SLC6A3: variants seen among roughly 807,000 people sequenced by gnomAD.
SLC6A3 encodes sodium-dependent dopamine transporter.
A neutral mutation model predicts 70.4 loss-of-function variants in SLC6A3; 19 were observed. That is an observed-to-expected ratio of 0.27 (90% CI 0.19 to 0.40). SLC6A3 has a LOEUF of 0.40. Ranked by LOEUF, SLC6A3 falls within the 10% of genes least tolerant of loss-of-function variation. The pLI, the probability that SLC6A3 is intolerant of heterozygous loss-of-function variation, is 1.00. For synonymous variants in SLC6A3, 368 were observed against 356.6 expected, an observed-to-expected ratio of 1.03 and a Z score of -0.36; for missense variants, 613 against 838.5, an observed-to-expected ratio of 0.73 and a Z score of 3.32.
intron 3 of SLC6A3, among the ~76,000 whole-genome samples, chr5:1,434,032 G>C (rs409928): frequency 1.3e-5 from 2 of 152,164 alleles, no homozygotes; most frequent in Non-Finnish European, 2.9e-5. Flanking sequence ...TGGCCATCCA[G>C]AGCCATCCAT....
chr5:1,393,308 C>CA lies in SLC6A3; in HGVS notation c.*1426dup, dbSNP rs1260449362. On this transcript the variant is annotated 3_prime_UTR_variant, in exon 15 of 15. Transcript: ENST00000270349. The stretch of plus-strand genomic sequence containing the variant: ...CTGTCAGTGGCAGAGGGCAGTGTGC[C>CA]ATGGAAAGCAGCTTTTGGCCAACAT... 2 of 152,282 alleles carry CA rather than the reference C, an allele frequency of 1.3e-5. 1 individual carries two copies. The allele number at this position is 152,282 out of a possible 1,614,324, so 9.4% of individuals were successfully genotyped here.
rs954204703 is a variant in SLC6A3 at position 1,405,624 on chromosome 5, C to T, written c.1599+564G>A. Among the ~76,000 whole-genome samples the T allele has an allele frequency of 1.3e-5, 2 of 152,230 alleles. No individual in the cohort carries two copies. Among genetic ancestry groups the T allele is most frequent in the African/African-American group, 4.8e-5 (2 of 41,456 alleles). The stretch of plus-strand genomic sequence containing the variant: ...GGCAATCCCTAATGAAAGTGTGCGG[C>T]CACCTTCCAACAAAACTCTATTTAC... On this transcript the variant is annotated intron_variant, in intron 12 of 14. Transcript: ENST00000270349. The surrounding 1 kb of genome is among the most constrained non-coding windows in gnomAD (Gnocchi z 5.3).
chr5:1,397,301 G>A lies in SLC6A3; in HGVS notation c.1840-2543C>T, dbSNP rs1579697107. On this transcript the variant is annotated intron_variant, in intron 14 of 14. Transcript: ENST00000270349. The surrounding 1 kb of genome is among the most constrained non-coding windows in gnomAD (Gnocchi z 4.7). ...AAAAGAAACCAAATTAACGGTGGTG[G>A]GTGCCTGCAGTCCCAGCTACTCGGG... Among the ~76,000 whole-genome samples, 2 of 152,300 alleles carry A rather than the reference G, an allele frequency of 1.3e-5. 1 individual carries two copies. Among genetic ancestry groups the A allele is most frequent in the South Asian group, 4.1e-4 (2 of 4,822 alleles).
rs2617605 is a variant in SLC6A3, at chr5:1,442,406, T to C, written c.286+506A>G. On this transcript the variant is annotated intron_variant, in intron 2 of 14. Coordinates refer to ENST00000270349, the MANE Select transcript of SLC6A3 (RefSeq NM_001044.5). The surrounding 1 kb of genome is among the most constrained non-coding windows in gnomAD (Gnocchi z 5.0). ...CCTGGGAAGGGATCACCAATGTTCT[T>C]GGACGTCCCCGGTGGCCCTGCCTCG... Among the ~76,000 whole-genome samples the C allele has an allele frequency of 0.3, 45,895 of 151,878 alleles. 7,498 individuals carry two copies. The highest frequency in any genetic ancestry group is 0.37 in the South Asian group (1,793 of 4,816).
At chr5:1,403,993 C>G (rs2126326664) in intron 12 of SLC6A3, among the ~76,000 whole-genome samples, 1 of 152,364 alleles carries the variant, frequency 6.6e-6, no homozygotes, top group South Asian at 2.1e-4. Flanking sequence ...TTCTGTGTAC[C>G]TGGGTCCTTC....
rs113663104 is a variant in SLC6A3 at position 1,442,680 on chromosome 5, C to T, written c.286+232G>A. Among the ~76,000 whole-genome samples the T allele has an allele frequency of 4.6e-5, 7 of 152,046 alleles. No individual in the cohort carries two copies. The highest frequency in any genetic ancestry group is 3.9e-4 in the Admixed American group (6 of 15,262). ...CCCCACCCCCCAGCTTCTTCGCGGG[C>T]CTCCCTTTCCTAAACTCTGAAATGC... On this transcript the variant is annotated intron_variant, in intron 2 of 14. Coordinates refer to ENST00000270349, the MANE Select transcript of SLC6A3 (RefSeq NM_001044.5). This position sits in a 1 kb window ranked among gnomAD's most constrained non-coding sequence, Gnocchi z 5.0.
rs562753875 is a variant in SLC6A3, at chr5:1,438,968, C to T, written c.418+2391G>A. Among the ~76,000 whole-genome samples the T allele has an allele frequency of 9.2e-5, 14 of 152,334 alleles. No homozygotes were observed. Among genetic ancestry groups the T allele is most frequent in the East Asian group, 1.9e-4 (1 of 5,172 alleles). Reference sequence around the variant, plus strand: ...ACGGACCACGGTGCAAGCTCAGCATCGCTTACGACTGCAGGCTCAGAGGCA... The same window carrying T: ...ACGGACCACGGTGCAAGCTCAGCATTGCTTACGACTGCAGGCTCAGAGGCA... On this transcript the variant is annotated intron_variant, in intron 3 of 14. Transcript: ENST00000270349. The surrounding 1 kb of genome is among the most constrained non-coding windows in gnomAD (Gnocchi z 6.5).
At chr5:1,434,901 C>T (rs1020807207) in intron 3 of SLC6A3, among the ~76,000 whole-genome samples, 1 of 152,204 alleles carries the variant, frequency 6.6e-6, no homozygotes, top group African/African-American at 2.4e-5. Flanking sequence ...TTAAACAAAT[C>T]TAAGATCAGG....
chr5:1,409,773 G>A lies in SLC6A3; in HGVS notation c.1346C>T (p.Thr449Met), dbSNP rs780134296. The A allele has an allele frequency of 6.2e-7, 1 of 1,613,452 alleles. No homozygotes were observed. The highest frequency in any genetic ancestry group is 8.5e-7 in the Non-Finnish European group (1 of 1,179,988). The change falls in exon 10 of 15, where the codon ACG becomes ATG. Residue 449 changes from threonine to methionine, a missense_variant. Transcript: ENST00000270349. ...GAAGGTCGCCAGGACGATGAAGAGC[G>A]TGAAGAGCTCACGGTGTCTGTGCAG... ...QLLHRHRELF[T>M]LFIVLATFLL...
chr5:1,423,945 G>A (rs773608307), intron 4 of SLC6A3, among the ~76,000 whole-genome samples: 12 of 152,290 alleles, frequency 7.9e-5, no homozygotes, highest in South Asian at 2.1e-4. Context: ...GGTGGAGCCC[G>A]GCCGAATGCA....
chr5:1,401,695 C>A lies in SLC6A3; in HGVS notation c.1768-709G>T, dbSNP rs772773686. Among the ~76,000 whole-genome samples the A allele has an allele frequency of 2.0e-5, 3 of 151,900 alleles. No homozygotes were observed. In the East Asian group the frequency reaches 5.8e-4, roughly 29 times the overall value. ...GGCTTACGTTCAGAGTTTGGCCATG[C>A]GAGGGGTAAGGGCGCTGGCTGTTCA... is the stretch of plus-strand genomic sequence containing the variant. On this transcript the variant is annotated intron_variant, in intron 13 of 14. Coordinates refer to ENST00000270349, the MANE Select transcript of SLC6A3 (RefSeq NM_001044.5). This position sits in a 1 kb window ranked among gnomAD's most constrained non-coding sequence, Gnocchi z 6.1.
At position 1,397,410 on chromosome 5, in the gene SLC6A3, T is replaced by G. The variant is rs1444414087; in HGVS notation, c.1840-2652A>C. Among the ~76,000 whole-genome samples, 1 of 152,028 alleles carries G rather than the reference T, an allele frequency of 6.6e-6. No homozygotes were observed. The highest frequency in any genetic ancestry group is 6.6e-5 in the Admixed American group (1 of 15,248). On this transcript the variant is annotated intron_variant, in intron 14 of 14. Coordinates refer to ENST00000270349, the MANE Select transcript of SLC6A3 (RefSeq NM_001044.5). This position sits in a 1 kb window ranked among gnomAD's most constrained non-coding sequence, Gnocchi z 4.7. ...TGCGCCACTGCACTCCAGCCTGGGC[T>G]ACAGAGCGAGACTCCGTCTCAAAAC...
intron 12 of SLC6A3, 89 bp from the exon 13 acceptor site, chr5:1,403,178 G>A (rs1755892748): frequency 4.9e-6 from 7 of 1,438,436 alleles, no homozygotes; most frequent in African/African-American, 2.8e-5. Flanking sequence ...ATGGCAGAGC[G>A]TCTCTCAGCC....
Position 1,406,035 on chromosome 5 carries a change from T to C in SLC6A3, c.1599+153A>G, listed in dbSNP as rs150996642. 1.3e-5 allele frequency among the ~76,000 whole-genome samples: 2 copies of C among 152,126 alleles called. No homozygotes were observed. Among genetic ancestry groups the C allele is most frequent in the African/African-American group, 4.8e-5 (2 of 41,512 alleles). On this transcript the variant is annotated intron_variant, in intron 12 of 14. Transcript: ENST00000270349. The surrounding 1 kb of genome is among the most constrained non-coding windows in gnomAD (Gnocchi z 8.8). ...CCACCTTAAGGAGACTATAGATGAGTTCAGGGATCAGCCTGTCCTTCTGGG... is the reference window on the plus strand; with the variant it reads ...CCACCTTAAGGAGACTATAGATGAGCTCAGGGATCAGCCTGTCCTTCTGGG...
chr5:1,414,868 A>C, intron 7 of SLC6A3, 53 bp from the exon 8 acceptor site: 3 of 1,610,488 alleles, frequency 1.9e-6, no homozygotes, highest in Non-Finnish European at 2.5e-6. Flanking sequence ...CAGCAGCTGC[A>C]ATTTTCCAGT....
In SLC6A3 at chr5:1,394,348, G is replaced by A. The variant is rs375872970; in HGVS notation, c.*387C>T. The A allele has an allele frequency of 4.8e-4, 192 of 399,098 alleles. 1 individual carries two copies. Among genetic ancestry groups the A allele is most frequent in the East Asian group, 2.5e-3 (51 of 20,084 alleles). The allele number at this position is 399,098 out of a possible 1,614,324, so 24.7% of individuals were successfully genotyped here. A position where few individuals can be genotyped will look rare whatever the true frequency, so the allele number is the denominator to read the frequency against. On this transcript the variant is annotated 3_prime_UTR_variant, in exon 15 of 15. Coordinates refer to ENST00000270349, the MANE Select transcript of SLC6A3 (RefSeq NM_001044.5). This position sits in a 1 kb window ranked among gnomAD's most constrained non-coding sequence, Gnocchi z 4.7. The stretch of plus-strand genomic sequence containing the variant: ...GAGCACGGGGATTCTCAGCAGGTGC[G>A]TCTACAAGGATCGTGATCCCCGCCT...
chr5:1,421,996 G>A lies in SLC6A3; in HGVS notation c.672C>T (p.Leu224=), dbSNP rs1240882531. The stretch of plus-strand genomic sequence containing the variant: ...GGTCGTCGATGCCATGGCTCTGGTG[G>A]AGGTGCAGCACGCCACGTCTGCAGA... The part of the protein sequence containing the change: ...AEYFERGVLH[L]HQSHGIDDLG... The change falls in exon 5 of 15, where the codon CTC becomes CTT. Residue 224 remains leucine, a synonymous_variant. Transcript: ENST00000270349. This position sits in a 1 kb window ranked among gnomAD's most constrained non-coding sequence, Gnocchi z 7.2. 6.2e-7 allele frequency: 1 copy of A among 1,612,468 alleles called. No individual in the cohort carries two copies. Among genetic ancestry groups the A allele is most frequent in the Non-Finnish European group, 8.5e-7 (1 of 1,180,016 alleles).
intron 4 of SLC6A3, among the ~76,000 whole-genome samples, chr5:1,422,245 C>T (rs1177025871): frequency 1.3e-5 from 2 of 152,250 alleles, no homozygotes; most frequent in East Asian, 3.9e-4. Flanking sequence ...AGCCCTGCCT[C>T]ACCATCTGCC....
intron 6 of SLC6A3, among the ~76,000 whole-genome samples, chr5:1,416,826 T>C (rs1191859102): frequency 6.6e-6 from 1 of 151,442 alleles, no homozygotes; most frequent in African/African-American, 2.4e-5. Context: ...AGCGTCCTAA[T>C]AGCCCTCGGA....
Sources: allele counts gnomAD v4.1 joint callset (sites outside exome capture counted in the v4.1 genomes callset), GRCh38; gene constraint gnomAD v4.1.1; non-coding constraint Gnocchi (gnomAD v3.1); transcripts MANE v1.5; gene names NCBI Gene and HGNC (gene_info 2026-07-23, HGNC 2026-07-21).